RNF121: variants seen among roughly 807,000 people sequenced by gnomAD.
The protein encoded by RNF121 is E3 ubiquitin ligase RNF121.
In RNF121, 21 loss-of-function variants were observed where a neutral mutation model predicts 46.5. That is an observed-to-expected ratio of 0.45 (90% CI 0.32 to 0.65). The LOEUF is 0.65. RNF121 is among the 30% of genes least tolerant of loss of function. The pLI, the probability that RNF121 is intolerant of heterozygous loss-of-function variation, is 0.04. For synonymous variants in RNF121, 139 were observed against 144.7 expected, an observed-to-expected ratio of 0.96 and a Z score of 0.28; for missense variants, 346 against 416.0, an observed-to-expected ratio of 0.83 and a Z score of 1.46.
chr11:71,982,288 A>G (rs911675870), intron 3 of RNF121, among the ~76,000 whole-genome samples: 2 of 144,976 alleles, frequency 1.4e-5, no homozygotes, highest in Non-Finnish European at 3.0e-5. Context: ...GTGAGCCAGG[A>G]TCACACCGTT....
Position 71,996,767 on chromosome 11 carries a change from G to T in RNF121, c.*452G>T. On this transcript the variant is annotated 3_prime_UTR_variant, in exon 9 of 9. Coordinates refer to ENST00000361756, the MANE Select transcript of RNF121 (RefSeq NM_018320.5). ...AGCCTGGTGCACTTAGTATAGAAGAGCTAACGTACTCAGGCTTGTGCCACG... is the reference window on the plus strand; with the variant it reads ...AGCCTGGTGCACTTAGTATAGAAGATCTAACGTACTCAGGCTTGTGCCACG... The T allele has an allele frequency of 5.9e-6, 1 of 168,248 alleles. No individual in the cohort carries two copies. The highest frequency in any genetic ancestry group is 1.3e-4 in the South Asian group (1 of 7,882). The allele number at this position is 168,248 out of a possible 1,614,324, so 10.4% of individuals were successfully genotyped here. A position where few individuals can be genotyped will look rare whatever the true frequency, so the allele number is the denominator to read the frequency against.
chr11:71,929,711 C>A (rs939150684), intron 1 of RNF121, among the ~76,000 whole-genome samples: 12 of 152,196 alleles, frequency 7.9e-5, no homozygotes, highest in African/African-American at 2.4e-5. Context: ...TGCCGGAATT[C>A]ATGCATTTAT....
At chr11:71,950,772 C>T (rs1480307996) in intron 1 of RNF121, among the ~76,000 whole-genome samples, 1 of 152,030 alleles carries the variant, frequency 6.6e-6, no homozygotes, top group African/African-American at 2.4e-5. Flanking sequence ...CCTGCCTCAG[C>T]CTCCCCAGTA....
intron 3 of RNF121, among the ~76,000 whole-genome samples, chr11:71,981,088 A>G (rs1172530749): frequency 6.6e-6 from 1 of 151,750 alleles, no homozygotes; most frequent in African/African-American, 2.4e-5. Context: ...TTGCTCTGTC[A>G]CCCAGGCTGG....
At chr11:71,972,634 G>A (rs559399593) in intron 3 of RNF121, among the ~76,000 whole-genome samples, 1 of 151,840 alleles carries the variant, frequency 6.6e-6, no homozygotes, top group East Asian at 1.9e-4. Context: ...ATGTTTAATA[G>A]CATCCCTACC....
chr11:71,938,314 A>ATTTTT (rs71958930), intron 1 of RNF121, among the ~76,000 whole-genome samples: 1,931 of 94,600 alleles, frequency 0.02, 40 homozygotes, highest in Non-Finnish European at 0.027. Context: ...TAGTCTCTTA[A>ATTTTT]TTTTTTTTTT....
chr11:71,950,384 G>A (rs1953843919), intron 1 of RNF121, among the ~76,000 whole-genome samples: 1 of 151,992 alleles, frequency 6.6e-6, no homozygotes, highest in South Asian at 2.1e-4. Flanking sequence ...AGGAGTTTGA[G>A]ACTGGCCTGG....
chr11:71,962,894 A>G (rs1169014338), intron 3 of RNF121, among the ~76,000 whole-genome samples: 1 of 151,908 alleles, frequency 6.6e-6, no homozygotes, highest in Non-Finnish European at 1.5e-5. Flanking sequence ...TTTAAATTTT[A>G]TTTATTATAG....
chr11:71,990,774 T>C (rs1954850585), intron 6 of RNF121, 57 bp downstream of exon 6: 1 of 1,596,952 alleles, frequency 6.3e-7, no homozygotes, highest in Admixed American at 1.7e-5. Context: ...TTGCTCAAGT[T>C]GATGTCACTT....
At chr11:71,982,209 G>A (rs535381445) in intron 3 of RNF121, among the ~76,000 whole-genome samples, 4 of 151,806 alleles carry the variant, frequency 2.6e-5, no homozygotes, top group South Asian at 4.2e-4. Flanking sequence ...GGTGGCACGC[G>A]CCTGTAATCC....
At chr11:71,949,495 A>G (rs144961061) in intron 1 of RNF121, among the ~76,000 whole-genome samples, 3,073 of 152,234 alleles carry the variant, frequency 0.02, 37 homozygotes, top group Middle Eastern at 0.065. Flanking sequence ...CAGGCAGATC[A>G]CTTGAGGTCA....
At chr11:71,954,617 T>C (rs1036032846) in intron 1 of RNF121, among the ~76,000 whole-genome samples, 1 of 152,190 alleles carries the variant, frequency 6.6e-6, no homozygotes, top group Non-Finnish European at 1.5e-5. Context: ...TTCTCTATTT[T>C]CTAGATGGAG....
At position 71,982,861 on chromosome 11, in the gene RNF121, C is replaced by T; in HGVS notation, c.344C>T (p.Thr115Ile). The T allele has an allele frequency of 1.2e-6, 2 of 1,613,988 alleles. No homozygotes were observed. Among genetic ancestry groups the T allele is most frequent in the Non-Finnish European group, 1.7e-6 (2 of 1,179,956 alleles). ...LVIWILFSAV[T>I]AFVTFRATRK... The stretch of plus-strand genomic sequence containing the variant: ...ATCTGGATCTTGTTCTCTGCTGTCA[C>T]AGCCTTTGTTACCTTCCGAGCCACC... Residue 115 changes from threonine (T) to isoleucine (I), a missense_variant, in exon 4 of 9, where the codon ACA (threonine) becomes ATA (isoleucine). Around this residue, in one of 2 missense-constraint regions of RNF121, gnomAD observed 286 missense variants for 383.8 expected, o/e 0.75. Transcript: ENST00000361756.
intron 3 of RNF121, among the ~76,000 whole-genome samples, chr11:71,963,371 C>G (rs1367236901): frequency 6.6e-6 from 1 of 151,998 alleles, no homozygotes; most frequent in Non-Finnish European, 1.5e-5. Context: ...GCCTGTAATT[C>G]CAGCACTTTG....
intron 3 of RNF121, among the ~76,000 whole-genome samples, chr11:71,982,348 A>AAAAT: frequency 6.6e-6 from 1 of 150,846 alleles, no homozygotes; most frequent in Non-Finnish European, 1.5e-5. Flanking sequence ...AAAAAAAAAA[A>AAAAT]AAAAAAGGAA....
intron 2 of RNF121, among the ~76,000 whole-genome samples, chr11:71,957,553 C>G (rs1954019685): frequency 6.6e-6 from 1 of 152,090 alleles, no homozygotes; most frequent in African/African-American, 2.4e-5. Context: ...CTTACTTTGC[C>G]CCATTTGTAA....
chr11:71,951,873 G>T (rs1294325699), intron 1 of RNF121, among the ~76,000 whole-genome samples: 2 of 152,180 alleles, frequency 1.3e-5, no homozygotes, highest in Admixed American at 6.5e-5. Context: ...CTGCTGGTGG[G>T]ACTGTAAAAT....
chr11:71,983,045 C>G (rs1358797027), intron 4 of RNF121, 130 bp downstream of exon 4: 1 of 802,686 alleles, frequency 1.2e-6, no homozygotes. Context: ...CATGGGGCCT[C>G]TCTAAAACAA....
At chr11:71,961,635 A>G (rs76394075) in intron 3 of RNF121, among the ~76,000 whole-genome samples, 3,356 of 152,348 alleles carry the variant, frequency 0.022, 123 homozygotes, top group African/African-American at 0.074. Context: ...ACAAATAGCA[A>G]AATGGCAGAA....
Sources: allele counts gnomAD v4.1 joint callset (sites outside exome capture counted in the v4.1 genomes callset), GRCh38; gene constraint gnomAD v4.1.1; regional missense constraint gnomAD v4.1.1; transcripts MANE v1.5; gene names NCBI Gene and HGNC (gene_info 2026-07-23, HGNC 2026-07-21).